EML2: variants seen among roughly 807,000 people sequenced by gnomAD.
EML2 encodes the protein EMAP like 2, also known as echinoderm microtubule-associated protein-like 2.
EML2 carries 59 observed loss-of-function variants against 84.7 expected under a neutral mutation model. The observed-to-expected ratio is 0.70, with a 90% CI of 0.56 to 0.86. The LOEUF is 0.86. EML2 is among the 40% of genes least tolerant of loss of function. The pLI is 0.00. For synonymous variants in EML2, 352 were observed against 348.9 expected, an observed-to-expected ratio of 1.01 and a Z score of -0.10; for missense variants, 818 against 855.6, an observed-to-expected ratio of 0.96 and a Z score of 0.55.
At chr19:45,645,378 C>T, upstream of EML2, 1 of 1,518,010 alleles carries the variant, frequency 6.6e-7, no homozygotes, top group Non-Finnish European at 8.8e-7. Flanking sequence ...CCGGTCCCAG[C>T]CCGGGCCCGG....
At chr19:45,634,656 G>A (rs558798029) in intron 3 of EML2, among the ~76,000 whole-genome samples, 185 bp from the exon 4 acceptor site, 539 of 152,084 alleles carry the variant, frequency 3.5e-3, no homozygotes, top group Admixed American at 6.4e-3. Flanking sequence ...CCGCCTCCTG[G>A]GTTCATGCCA....
Position 45,621,308 on chromosome 19 carries a change from G to A in EML2, c.1021C>T (p.Arg341Cys), listed in dbSNP as rs770616741. The change falls in exon 11 of 19, where the codon CGC (arginine) becomes TGC (cysteine). Residue 341 changes from arginine (R) to cysteine (C), a missense_variant. By Grantham distance (180) the Arg-to-Cys change is radical. Coordinates refer to ENST00000245925, the MANE Select transcript of EML2 (RefSeq NM_012155.4). Reference protein sequence around the residue: ...VEVPEDFGPVRTVAEGHGDTL... With the variant: ...VEVPEDFGPVCTVAEGHGDTL... The stretch of plus-strand genomic sequence containing the variant: ...TCTCCGTGGCCCTCTGCCACGGTGC[G>A]CACAGGGCCAAAGTCCTCAGGGACC... 1.5e-5 allele frequency: 24 copies of A among 1,609,776 alleles called. No individual in the cohort carries two copies. Among genetic ancestry groups the A allele is most frequent in the Middle Eastern group, 1.6e-4 (1 of 6,066 alleles).
chr19:45,632,737 C>T (rs1014480059), intron 6 of EML2, 124 bp downstream of exon 6: 1 of 797,296 alleles, frequency 1.3e-6, no homozygotes, highest in Non-Finnish European at 2.0e-6. Flanking sequence ...TGTGACGTCA[C>T]AGAGGCGGGC....
chr19:45,616,878 G>A, intron 13 of EML2, 25 bp from the exon 14 acceptor site: 1 of 1,573,314 alleles, frequency 6.4e-7, no homozygotes, highest in Non-Finnish European at 8.7e-7. Context: ...CGTGGTGGGG[G>A]GAGGAGGGGT....
chr19:45,634,422 TG>T lies in EML2; in HGVS notation c.228del (p.Thr77ProfsTer4). 1 of 1,614,020 alleles carries T rather than the reference TG, an allele frequency of 6.2e-7. No homozygotes were observed. Among genetic ancestry groups the T allele is most frequent in the Non-Finnish European group, 8.5e-7 (1 of 1,179,972 alleles). The stretch of plus-strand genomic sequence containing the variant: ...GCCACAAAGTACACTATCTCCCCGG[TG>T]GGCAGCAAATAAAGGTTGGCCCGGC... ...RDCRANLYLL[P>X]TGEIVYFVAS... On this transcript the variant is annotated frameshift_variant, in exon 4 of 19. Transcript: ENST00000245925. LOFTEE classifies it high-confidence loss of function.
intron 9 of EML2, among the ~76,000 whole-genome samples, chr19:45,623,699 C>T (rs1280342299): frequency 6.6e-6 from 1 of 151,866 alleles, no homozygotes; most frequent in Admixed American, 6.6e-5. Flanking sequence ...TACAGGTGCT[C>T]GCCACCATGC....
At chr19:45,619,411 A>T in intron 11 of EML2, 1 of 417,662 alleles carries the variant, frequency 2.4e-6, no homozygotes, top group Non-Finnish European at 4.2e-6. Flanking sequence ...TTCTCCAGGG[A>T]CCTCTGCTTT....
intron 6 of EML2, among the ~76,000 whole-genome samples, chr19:45,631,156 C>G (rs565265479): frequency 1.1e-4 from 17 of 152,098 alleles, no homozygotes; most frequent in African/African-American, 3.6e-4. Context: ...CAATGTTGGG[C>G]TTTTATACCT....
intron 7 of EML2, among the ~76,000 whole-genome samples, chr19:45,627,181 A>T (rs1972458970): frequency 6.7e-6 from 1 of 149,042 alleles, no homozygotes; most frequent in Admixed American, 6.7e-5. Flanking sequence ...CTGGTCTCGA[A>T]CTCTTTACCT....
In EML2 at chr19:45,619,919, T is replaced by A. The variant is rs1971500694; in HGVS notation, c.1123-728A>T. Reference sequence around the variant, plus strand: ...TACAAAAATTTGCCAGTTGTGGTGGTGCACACTTGTAGCCCCAGCTACTTG... The same window carrying A: ...TACAAAAATTTGCCAGTTGTGGTGGAGCACACTTGTAGCCCCAGCTACTTG... On this transcript the variant is annotated intron_variant, in intron 11 of 18. Coordinates refer to ENST00000245925, the MANE Select transcript of EML2 (RefSeq NM_012155.4). Among the ~76,000 whole-genome samples the A allele has an allele frequency of 2.0e-5, 3 of 151,906 alleles. 1 individual carries two copies. In the South Asian group the frequency reaches 6.2e-4, roughly 32 times the overall value.
At chr19:45,630,444 T>G (rs1972893003) in intron 6 of EML2, among the ~76,000 whole-genome samples, 1 of 150,298 alleles carries the variant, frequency 6.7e-6, no homozygotes, top group African/African-American at 2.5e-5. Flanking sequence ...TCCCAGCTAC[T>G]CGGGAGGCTG....
intron 18 of EML2, among the ~76,000 whole-genome samples, chr19:45,611,762 AC>A (rs1970523169): frequency 1.3e-5 from 2 of 152,156 alleles, no homozygotes. Context: ...TGCTGGGATT[AC>A]AGGCGTGAGC....
chr19:45,637,662 C>CTTTTTTTTTTTTTTTTTTTTTTTT (rs1206550438), intron 3 of EML2, among the ~76,000 whole-genome samples: 1 of 45,800 alleles, frequency 2.2e-5, no homozygotes, highest in Non-Finnish European at 5.1e-5. Context: ...TTTTCTTTTT[C>CTTTTTTTTTTTTTTTTTTTTTTTT]TTTTCTTTTT....
At chr19:45,635,570 G>C (rs1973627482) in intron 3 of EML2, among the ~76,000 whole-genome samples, 1 of 141,150 alleles carries the variant, frequency 7.1e-6, no homozygotes. Flanking sequence ...AAAAAAAAAT[G>C]AATGTCTGTT....
intron 11 of EML2, among the ~76,000 whole-genome samples, chr19:45,619,778 G>A (rs967137735): frequency 1.3e-5 from 2 of 152,228 alleles, no homozygotes; most frequent in African/African-American, 4.8e-5. Context: ...ATGCTGGCCA[G>A]GTGCGGTGGC....
Position 45,613,580 on chromosome 19 carries a change from G to C in EML2, c.1785C>G (p.Gly595=). The C allele has an allele frequency of 6.2e-7, 1 of 1,614,064 alleles. No homozygotes were observed. Among genetic ancestry groups the C allele is most frequent in the Non-Finnish European group, 8.5e-7 (1 of 1,180,002 alleles). The change falls in exon 18 of 19, where the codon GGC becomes GGG. Residue 595 remains glycine, a synonymous_variant. Coordinates refer to ENST00000245925, the MANE Select transcript of EML2 (RefSeq NM_012155.4). ...AGGGGTAGCTAAACAGGTGAACTTTGCCAAAGTCATCAGCTGAAGCCAGCA... is the reference window on the plus strand; with the variant it reads ...AGGGGTAGCTAAACAGGTGAACTTTCCCAAAGTCATCAGCTGAAGCCAGCA... The part of the protein sequence containing the change: ...GKLLASADDF[G]KVHLFSYPCC...
chr19:45,637,451 G>C (rs1173659628), intron 3 of EML2, among the ~76,000 whole-genome samples: 1 of 149,660 alleles, frequency 6.7e-6, no homozygotes. Flanking sequence ...GATAGTAAGT[G>C]CTTGAGTTAT....
chr19:45,626,407 T>C (rs1015769435), intron 8 of EML2, among the ~76,000 whole-genome samples: 8 of 111,838 alleles, frequency 7.2e-5, no homozygotes, highest in African/African-American at 9.8e-5. Flanking sequence ...TTTTTTTTTT[T>C]CTGAGATAGG....
chr19:45,644,510 C>T (rs893616280), upstream of EML2, among the ~76,000 whole-genome samples: 1 of 152,134 alleles, frequency 6.6e-6, no homozygotes, highest in Admixed American at 6.5e-5. Context: ...CCCTTCTGCC[C>T]CACCCAGAGA....
Sources: gnomAD v4.1 joint callset for allele counts (sites outside exome capture counted in the v4.1 genomes callset) on GRCh38, gnomAD v4.1.1 for gene constraint, MANE v1.5 for transcripts, NCBI Gene and HGNC (gene_info 2026-07-23, HGNC 2026-07-21) for gene names.